ZBTB20: variants seen among roughly 807,000 people sequenced by gnomAD.
ZBTB20 encodes zinc finger and BTB domain-containing protein 20.
Under a neutral mutation model 56.9 loss-of-function variants are expected in ZBTB20, and 9 were observed. That is an observed-to-expected ratio of 0.16 (90% CI 0.10 to 0.28). ZBTB20 has a LOEUF of 0.28. Among genes scored for constraint, ZBTB20 ranks in the 10% least tolerant of loss-of-function variants. The pLI is 1.00. For missense variants in ZBTB20, 655 were observed against 1,003.0 expected (o/e 0.65, Z 4.69); for synonymous variants, 417 against 420.7 (o/e 0.99, Z 0.11).
At chr3:114,872,757 T>C (rs916359578) in intron 4 of ZBTB20, among the ~76,000 whole-genome samples, 1 of 152,074 alleles carries the variant, frequency 6.6e-6, no homozygotes, top group African/African-American at 2.4e-5. Context: ...GCTCAGCTAG[T>C]AACTGCAAGT....
At chr3:114,479,543 T>C (rs551696670) in intron 7 of ZBTB20, among the ~76,000 whole-genome samples, 1 of 152,370 alleles carries the variant, frequency 6.6e-6, no homozygotes, top group East Asian at 1.9e-4. Flanking sequence ...TCTAAATGAT[T>C]GAACAAGCTG....
At position 114,954,429 on chromosome 3, in the gene ZBTB20, A is replaced by T. The variant is rs73228383; in HGVS notation, c.-456+19937T>A. Among the ~76,000 whole-genome samples the T allele has an allele frequency of 5.7e-3, 872 of 152,254 alleles. 1 individual carries two copies. The highest frequency in any genetic ancestry group is 9.6e-3 in the Non-Finnish European group (654 of 68,008). ...ATTAATCCTTAAAAGAAATCAGGTA[A>T]TGAGTCTGAAATAAGTTTAATGTGT... On this transcript the variant is annotated intron_variant, in intron 3 of 11. Coordinates refer to ENST00000675478, the MANE Select transcript of ZBTB20 (RefSeq NM_001348800.3).
intron 6 of ZBTB20, among the ~76,000 whole-genome samples, chr3:114,542,819 TCTTTAATAG>T (rs1304219587): frequency 1.3e-5 from 2 of 152,186 alleles, no homozygotes; most frequent in Non-Finnish European, 2.9e-5. Flanking sequence ...AAATACCTAT[TCTTTAATAG>T]CTTTCTTCAA....
chr3:114,429,011 C>T (rs1576717067), intron 7 of ZBTB20, among the ~76,000 whole-genome samples: 1 of 151,904 alleles, frequency 6.6e-6, no homozygotes, highest in Non-Finnish European at 1.5e-5. Flanking sequence ...AAAAAAGATA[C>T]AGGGGGAGAG....
chr3:114,372,085 ACTCTAAGGGCAGTAGTGCATGTGGC>A (rs2083084872), intron 10 of ZBTB20, among the ~76,000 whole-genome samples: 1 of 152,150 alleles, frequency 6.6e-6, no homozygotes, highest in Admixed American at 6.5e-5. Context: ...AAATGATCCA[ACTCTAAGGGCAGTAGTGCATGTGGC>A]CTCTTTTATT....
chr3:114,946,442 G>C (rs112697068), intron 3 of ZBTB20, among the ~76,000 whole-genome samples: 3 of 145,098 alleles, frequency 2.1e-5, no homozygotes, highest in Non-Finnish European at 4.4e-5. Context: ...TTTTGGTAAA[G>C]AAAGACAAAT....
intron 7 of ZBTB20, among the ~76,000 whole-genome samples, chr3:114,433,170 G>C (rs1024168995): frequency 2.0e-5 from 3 of 152,258 alleles, no homozygotes; most frequent in South Asian, 4.1e-4. Context: ...CTTCTGCCCT[G>C]TAAGAAGCCT....
intron 4 of ZBTB20, among the ~76,000 whole-genome samples, chr3:114,813,557 C>T (rs1004254885): frequency 1.3e-5 from 2 of 152,144 alleles, no homozygotes; most frequent in Admixed American, 6.5e-5. Flanking sequence ...TTGAGACCAG[C>T]CTGGGCAACA....
In ZBTB20 at chr3:114,380,249, G is replaced by C. The variant is rs1021025736; in HGVS notation, c.167C>G (p.Thr56Arg). Residue 56 changes from threonine (T) to arginine (R), a missense_variant, in exon 10 of 12, where the codon ACA becomes AGA. Thr to Arg is a moderately conservative substitution (Grantham distance 71). Transcript: ENST00000675478. The stretch of plus-strand genomic sequence containing the variant: ...TGACCCGGTGTGAGCGTGAGAGTTT[G>C]TCAGTGAATGTGTTGAGTGGATGAG... ...PALIHSTHSL[T>R]NSHAHTGSSD... 6.5e-7 allele frequency: 1 copy of C among 1,537,082 alleles called. No individual in the cohort carries two copies. Among genetic ancestry groups the C allele is most frequent in the Non-Finnish European group, 8.7e-7 (1 of 1,146,826 alleles).
intron 2 of ZBTB20, among the ~76,000 whole-genome samples, chr3:114,992,807 G>C (rs2078874512): frequency 6.6e-6 from 1 of 151,732 alleles, no homozygotes; most frequent in South Asian, 2.1e-4. Flanking sequence ...AAAAAACATA[G>C]AAAATGAAAC....
In ZBTB20 at chr3:114,321,536, C is replaced by G. The variant is rs1576171243; in HGVS notation, c.*17469G>C. 1 of 152,280 alleles carries G rather than the reference C, an allele frequency of 6.6e-6. No homozygotes were observed. Among genetic ancestry groups the G allele is most frequent in the East Asian group, 1.9e-4 (1 of 5,188 alleles). The allele number at this position is 152,280 out of a possible 1,614,324, so 9.4% of individuals were successfully genotyped here. ...GTGCAAAGTTTCAATGGCAGGGGCTCTTTACGTTAACTATACCTAACTGAT... is the reference window on the plus strand; with the variant it reads ...GTGCAAAGTTTCAATGGCAGGGGCTGTTTACGTTAACTATACCTAACTGAT... On this transcript the variant is annotated 3_prime_UTR_variant, in exon 12 of 12. Coordinates refer to ENST00000675478, the MANE Select transcript of ZBTB20 (RefSeq NM_001348800.3).
chr3:115,089,503 T>C (rs1172197365), intron 1 of ZBTB20, among the ~76,000 whole-genome samples: 2 of 151,828 alleles, frequency 1.3e-5, no homozygotes, highest in East Asian at 3.9e-4. Flanking sequence ...TCAATTTACA[T>C]GGTCTAAGCA....
intron 7 of ZBTB20, among the ~76,000 whole-genome samples, chr3:114,463,686 C>A (rs895161775): frequency 6.6e-6 from 1 of 152,118 alleles, no homozygotes; most frequent in African/African-American, 2.4e-5. Flanking sequence ...AACAAGCATT[C>A]CTGAAGGAAA....
intron 7 of ZBTB20, among the ~76,000 whole-genome samples, chr3:114,473,129 G>A (rs796966076): frequency 3.2e-4 from 48 of 152,312 alleles, no homozygotes; most frequent in South Asian, 1.9e-3. Context: ...CTGTGGCTAT[G>A]CAGACAGTCC....
chr3:114,346,007 T>G (rs775427853), intron 11 of ZBTB20, among the ~76,000 whole-genome samples: 10 of 152,226 alleles, frequency 6.6e-5, no homozygotes, highest in Non-Finnish European at 1.3e-4. Context: ...TAACTCTTAG[T>G]TTCCTTTCTC....
At chr3:114,923,192 A>G (rs1032580868) in intron 3 of ZBTB20, among the ~76,000 whole-genome samples, 2 of 152,292 alleles carry the variant, frequency 1.3e-5, no homozygotes, top group African/African-American at 4.8e-5. Flanking sequence ...TCAATATTAT[A>G]ATGATATTTT....
intron 10 of ZBTB20, among the ~76,000 whole-genome samples, chr3:114,379,851 AC>A (rs1257635275): frequency 6.6e-6 from 1 of 152,210 alleles, no homozygotes; most frequent in Non-Finnish European, 1.5e-5. Flanking sequence ...CTTGTGTCTA[AC>A]TGGCCTTCTG....
intron 4 of ZBTB20, among the ~76,000 whole-genome samples, chr3:114,824,155 G>T (rs1451417756): frequency 1.3e-5 from 2 of 152,086 alleles, no homozygotes; most frequent in Non-Finnish European, 2.9e-5. Context: ...CTCATACTAA[G>T]TGGTTCTGGT....
chr3:115,040,551 G>A (rs905368735), intron 2 of ZBTB20, among the ~76,000 whole-genome samples: 22 of 152,238 alleles, frequency 1.4e-4, no homozygotes, highest in African/African-American at 5.3e-4. Flanking sequence ...ACATGGTGTG[G>A]TTAGTGAAAA....
Sources: gnomAD v4.1 joint callset for allele counts (sites outside exome capture counted in the v4.1 genomes callset) on GRCh38, gnomAD v4.1.1 for gene constraint, MANE v1.5 for transcripts, NCBI Gene and HGNC (gene_info 2026-07-23, HGNC 2026-07-21) for gene names.